Variants in PKP2 observed in about 807,000 individuals in gnomAD.
The protein encoded by PKP2 is plakophilin 2.
Under a neutral mutation model 83.4 loss-of-function variants are expected in PKP2, and 73 were observed. The ratio of observed to expected loss-of-function variants is 0.88; its 90% CI spans 0.72 to 1.06. The LOEUF (loss-of-function observed/expected upper bound fraction) is 1.06. PKP2 is among the 50% of genes least tolerant of loss of function. The pLI is 0.00. For synonymous variants in PKP2, 409 were observed against 430.4 expected (o/e 0.95, Z 0.62); for missense variants, 966 against 1,065.4 (o/e 0.91, Z 1.30).
chr12:32,866,208 T>C (rs989802344), intron 4 of PKP2, among the ~76,000 whole-genome samples: 1 of 152,010 alleles, frequency 6.6e-6, no homozygotes, highest in African/African-American at 2.4e-5. Flanking sequence ...GGCAAAAGAA[T>C]TGAATACACA....
intron 3 of PKP2, 106 bp downstream of exon 3, chr12:32,877,740 T>C (rs561683755): frequency 8.4e-6 from 7 of 830,090 alleles, no homozygotes; most frequent in East Asian, 7.9e-5. Context: ...CACTTATCTC[T>C]GGAAGCCCTT....
chr12:32,796,943 C>T (rs571593523), intron 10 of PKP2, among the ~76,000 whole-genome samples: 1 of 152,224 alleles, frequency 6.6e-6, no homozygotes, highest in East Asian at 1.9e-4. Context: ...AAAAAGCTTT[C>T]TACAGAGATC....
intron 5 of PKP2, among the ~76,000 whole-genome samples, chr12:32,843,786 T>C (rs1956622634): frequency 6.6e-6 from 1 of 152,220 alleles, no homozygotes; most frequent in South Asian, 2.1e-4. Flanking sequence ...GAGGGACAGA[T>C]AAAACTCAGA....
At chr12:32,793,045 A>G (rs1408065415) in intron 11 of PKP2, among the ~76,000 whole-genome samples, 2 of 152,134 alleles carry the variant, frequency 1.3e-5, no homozygotes, top group African/African-American at 4.8e-5. Flanking sequence ...AGGTCAGACC[A>G]TCCTGGCCAA....
At chr12:32,829,617 A>G (rs897207030) in intron 6 of PKP2, among the ~76,000 whole-genome samples, 1 of 151,762 alleles carries the variant, frequency 6.6e-6, no homozygotes, top group African/African-American at 2.4e-5. Flanking sequence ...GTTTATGTGC[A>G]TGTATTGTAT....
chr12:32,844,276 G>A (rs898615547), intron 5 of PKP2, among the ~76,000 whole-genome samples: 1 of 152,142 alleles, frequency 6.6e-6, no homozygotes, highest in African/African-American at 2.4e-5. Context: ...AATTACATAT[G>A]CTCATACACA....
chr12:32,868,690 T>A (rs371925459), intron 4 of PKP2, among the ~76,000 whole-genome samples: 28 of 152,214 alleles, frequency 1.8e-4, no homozygotes, highest in African/African-American at 6.5e-4. Context: ...ACCCAACTAA[T>A]TTTTGTATTT....
intron 11 of PKP2, among the ~76,000 whole-genome samples, chr12:32,794,175 T>C (rs537216447): frequency 3.9e-5 from 6 of 152,298 alleles, no homozygotes; most frequent in Non-Finnish European, 7.4e-5. Flanking sequence ...CAGCACTTAT[T>C]AGTAACCCCT....
At chr12:32,796,329 G>A (rs2137709272) in intron 10 of PKP2, 31 bp from the exon 11 acceptor site, 2 of 1,518,308 alleles carry the variant, frequency 1.3e-6, no homozygotes, top group Non-Finnish European at 1.8e-6. Context: ...CAAAACACTT[G>A]ATTAAAAAGA....
chr12:32,873,974 C>T (rs1270797390), intron 3 of PKP2, among the ~76,000 whole-genome samples: 1 of 151,980 alleles, frequency 6.6e-6, no homozygotes, highest in Non-Finnish European at 1.5e-5. Flanking sequence ...TCTTAAAAAC[C>T]TTTTTCATCA....
At chr12:32,853,647 A>AT (rs2137872985) in intron 4 of PKP2, among the ~76,000 whole-genome samples, 1 of 152,002 alleles carries the variant, frequency 6.6e-6, no homozygotes, top group South Asian at 2.1e-4. Context: ...AATTGCAGGG[A>AT]TTACAGGCGC....
chr12:32,838,676 GCTTA>G (rs1166988619), intron 6 of PKP2, among the ~76,000 whole-genome samples: 2 of 151,958 alleles, frequency 1.3e-5, no homozygotes, highest in Admixed American at 6.6e-5. Flanking sequence ...CAAATACCTT[GCTTA>G]CTTACTATAT....
intron 3 of PKP2, among the ~76,000 whole-genome samples, chr12:32,871,339 G>A (rs989780835): frequency 6.6e-5 from 10 of 151,950 alleles, no homozygotes; most frequent in African/African-American, 2.2e-4. Context: ...TCTGTTTCAG[G>A]TGTGAGAGTG....
At chr12:32,800,331 C>T (rs1004785159) in intron 10 of PKP2, among the ~76,000 whole-genome samples, 2 of 152,134 alleles carry the variant, frequency 1.3e-5, no homozygotes, top group African/African-American at 2.4e-5. Context: ...GTGTTTACAG[C>T]GTTGATCATT....
rs1869652 is a variant in PKP2, at chr12:32,822,826, A to G, written c.1675-195T>C. ...GTTTTCATGAACAGTCAGGAGTACA[A>G]TGCTAAGAAGTAGAGGCTGAGTCTT... On this transcript the variant is annotated intron_variant, in intron 7 of 12. Coordinates refer to ENST00000340811, the MANE Select transcript of PKP2 (RefSeq NM_001005242.3). Among the ~76,000 whole-genome samples, 16,394 of 152,174 alleles carry G rather than the reference A, an allele frequency of 0.11. 1,993 individuals carry two copies. Among genetic ancestry groups the G allele is most frequent in the African/African-American group, 0.3 (12,408 of 41,470 alleles).
At chr12:32,845,728 C>T (rs191454167) in intron 5 of PKP2, among the ~76,000 whole-genome samples, 5 of 152,154 alleles carry the variant, frequency 3.3e-5, no homozygotes, top group East Asian at 1.9e-4. Context: ...AATGACCGCT[C>T]GGACAAGGAC....
At chr12:32,804,796 T>C (rs568464222) in intron 9 of PKP2, among the ~76,000 whole-genome samples, 1 of 152,342 alleles carries the variant, frequency 6.6e-6, no homozygotes, top group East Asian at 1.9e-4. Context: ...GGACGATTTA[T>C]ATTCCTTTGG....
At chr12:32,848,186 G>A (rs766222759) in intron 5 of PKP2, among the ~76,000 whole-genome samples, 4 of 152,200 alleles carry the variant, frequency 2.6e-5, no homozygotes, top group East Asian at 1.9e-4. Flanking sequence ...ACTTTGAGAC[G>A]CGGAGGCAGG....
At chr12:32,872,157 C>T (rs1021649645) in intron 3 of PKP2, among the ~76,000 whole-genome samples, 46 of 152,218 alleles carry the variant, frequency 3.0e-4, no homozygotes, top group African/African-American at 1.1e-3. Flanking sequence ...TAAATGATAT[C>T]AGTATAAATT....
Sources: allele counts gnomAD v4.1 joint callset (sites outside exome capture counted in the v4.1 genomes callset), GRCh38; gene constraint gnomAD v4.1.1; transcripts MANE v1.5; gene names NCBI Gene and HGNC (gene_info 2026-07-23, HGNC 2026-07-21).